JAKMIP3: variants seen among roughly 807,000 people sequenced by gnomAD.
The protein encoded by JAKMIP3 is Janus kinase and microtubule interacting protein 3, also known as janus kinase and microtubule-interacting protein 3.
In JAKMIP3, 58 loss-of-function variants were observed where a neutral mutation model predicts 118.5. The observed-to-expected ratio is 0.49, with a 90% confidence interval of 0.40 to 0.61. JAKMIP3 has a LOEUF of 0.61. JAKMIP3 is among the 20% of genes least tolerant of loss of function. The probability of loss-of-function intolerance (pLI) is 0.00; values close to 1 mark genes in which losing one functional copy is unlikely to be tolerated. For missense variants in JAKMIP3, 950 were observed against 1,109.0 expected (o/e 0.86, Z 2.04); for synonymous variants, 486 against 451.2 (o/e 1.08, Z -0.98).
At chr10:132,127,992 C>A (rs1009195224) in intron 3 of JAKMIP3, among the ~76,000 whole-genome samples, 1 of 152,134 alleles carries the variant, frequency 6.6e-6, no homozygotes, top group Non-Finnish European at 1.5e-5. Flanking sequence ...TTTTGCTGTT[C>A]CCATAAGCAG....
chr10:132,139,484 G>A (rs2052969859), intron 9 of JAKMIP3, among the ~76,000 whole-genome samples: 1 of 142,970 alleles, frequency 7.0e-6, no homozygotes, highest in Admixed American at 7.0e-5. Flanking sequence ...GTGAGTGTGT[G>A]TGAGAGTATG....
At chr10:132,078,052 TC>T in intron 1 of JAKMIP3, among the ~76,000 whole-genome samples, 1 of 152,374 alleles carries the variant, frequency 6.6e-6, no homozygotes, top group East Asian at 1.9e-4. Flanking sequence ...GCTCAGGTGA[TC>T]CGCACGTCTT....
Position 132,142,033 on chromosome 10 carries a change from A to C in JAKMIP3, c.1587A>C (p.Ala529=). The stretch of plus-strand genomic sequence containing the variant: ...AGCAGGTTGGAGGGACGCTGGACGC[A>C]GAGCGAGAAGTTAAGGTCTACGTGA... ...LQEQVGGTLD[A]EREVKTREQL... Residue 529 remains alanine, a synonymous_variant, in exon 11 of 24, where the codon GCA becomes GCC. Coordinates refer to ENST00000684848, the MANE Select transcript of JAKMIP3 (RefSeq NM_001323087.2). 6.2e-7 allele frequency: 1 copy of C among 1,607,022 alleles called. No individual in the cohort carries two copies. The highest frequency in any genetic ancestry group is 8.5e-7 in the Non-Finnish European group (1 of 1,177,478).
rs1245840093 is a variant in JAKMIP3 at position 132,049,076 on chromosome 10, A to G, written c.-138+12338A>G. On this transcript the variant is annotated intron_variant, in intron 1 of 23. Transcript: ENST00000657785. The surrounding 1 kb of genome is among the most constrained non-coding windows in gnomAD (Gnocchi z 4.3). ...CCTGCTGCTGGTCCCGGCCGACTCC[A>G]TCAAGTTAATTGACCTTTTTGCCTG... Among the ~76,000 whole-genome samples, 2 of 151,850 alleles carry G rather than the reference A, an allele frequency of 1.3e-5. No individual in the cohort carries two copies. Among genetic ancestry groups the G allele is most frequent in the African/African-American group, 4.8e-5 (2 of 41,268 alleles).
In JAKMIP3 at chr10:132,140,539, C is replaced by T. The variant is rs372190425; in HGVS notation, c.1433C>T (p.Thr478Met). ...GSSVSYQTDR[T>M]DQTPCTPDDD... ...TCCGTCTCTTACCAAACAGACAGGA[C>T]GGACCAGACCCCGTGCACCCCGGAC... Residue 478 changes from threonine to methionine, a missense_variant, in exon 10 of 24, where the codon ACG becomes ATG. Physicochemically the swap from Thr to Met is moderately conservative, Grantham distance 81. Coordinates refer to ENST00000684848, the MANE Select transcript of JAKMIP3 (RefSeq NM_001323087.2). 7.4e-6 allele frequency: 12 copies of T among 1,612,732 alleles called. No individual in the cohort carries two copies. The highest frequency in any genetic ancestry group is 2.7e-5 in the African/African-American group (2 of 74,692).
intron 2 of JAKMIP3, among the ~76,000 whole-genome samples, chr10:132,108,031 T>A (rs2046187937): frequency 6.6e-6 from 1 of 152,200 alleles, no homozygotes; most frequent in Admixed American, 6.5e-5. Context: ...ACTGCTGGCT[T>A]ACACTGGTGG....
chr10:132,114,591 T>C (rs1331247769), intron 2 of JAKMIP3, among the ~76,000 whole-genome samples: 1 of 152,226 alleles, frequency 6.6e-6, no homozygotes, highest in Non-Finnish European at 1.5e-5. Context: ...TCTTGGTTCT[T>C]TGCATTTCCA....
chr10:132,077,241 A>G (rs933161856), intron 1 of JAKMIP3, among the ~76,000 whole-genome samples: 5 of 152,090 alleles, frequency 3.3e-5, no homozygotes, highest in Admixed American at 6.5e-5. Context: ...TGACCTGGGG[A>G]GAGGGTTTGC....
intron 2 of JAKMIP3, among the ~76,000 whole-genome samples, 170 bp from the exon 3 acceptor site, chr10:132,116,907 T>TC (rs1486447451): frequency 8.4e-5 from 10 of 118,574 alleles, no homozygotes; most frequent in East Asian, 2.5e-4. Context: ...ACGTGGAAGC[T>TC]CCCCCAAATG....
chr10:132,127,793 T>C (rs1677216263), intron 3 of JAKMIP3, among the ~76,000 whole-genome samples: 1 of 152,226 alleles, frequency 6.6e-6, no homozygotes, highest in African/African-American at 2.4e-5. Context: ...TTTAGTGTTA[T>C]TCCATTAGTA....
intron 23 of JAKMIP3, among the ~76,000 whole-genome samples, chr10:132,180,682 CGTGTGTGTGCGTGCGTGTGT>C (rs2061051161): frequency 1.8e-4 from 1 of 5,492 alleles, no homozygotes; most frequent in Non-Finnish European, 3.9e-4. Flanking sequence ...TGTGCGCGCG[CGTGTGTGTGCGTGCGTGTGT>C]GTGTGCGCGT....
intron 1 of JAKMIP3, among the ~76,000 whole-genome samples, 167 bp downstream of exon 1, chr10:132,066,228 C>T (rs1366507355): frequency 6.6e-6 from 1 of 152,214 alleles, no homozygotes; most frequent in African/African-American, 2.4e-5. Flanking sequence ...GGGACGATCA[C>T]AGAGGAAGAT....
intron 19 of JAKMIP3, among the ~76,000 whole-genome samples, chr10:132,155,327 C>T (rs1328378272): frequency 2.6e-5 from 4 of 152,196 alleles, no homozygotes; most frequent in Non-Finnish European, 5.9e-5. Context: ...GCCAGCCAGG[C>T]ACAGAAGCTG....
rs111634824 is a variant in JAKMIP3, at chr10:132,067,597, C to T, written c.-138+1536C>T. 4.2e-5 allele frequency among the ~76,000 whole-genome samples: 6 copies of T among 144,218 alleles called. No homozygotes were observed. In the East Asian group the frequency reaches 6.3e-4, roughly 15 times the overall value. The allele number at this position is 144,218 out of a possible 152,430, so 94.6% of individuals were successfully genotyped here. On this transcript the variant is annotated intron_variant, in intron 1 of 23. Transcript: ENST00000684848. ...AAGGTTGATCTTGACTGTGGACTTC[C>T]GTGTGGACTGTGGGCTTCCGTGTGT...
intron 10 of JAKMIP3, among the ~76,000 whole-genome samples, chr10:132,140,820 G>A (rs1048917454): frequency 3.3e-5 from 5 of 152,170 alleles, no homozygotes; most frequent in African/African-American, 9.7e-5. Flanking sequence ...GCTGAGGCCC[G>A]CTCTTGCTCC....
intron 1 of JAKMIP3, among the ~76,000 whole-genome samples, chr10:132,079,891 C>T (rs1449888105): frequency 4.6e-5 from 7 of 152,264 alleles, no homozygotes; most frequent in African/African-American, 1.4e-4. Context: ...GTGTAGACCA[C>T]ATCTTGCTTA....
At chr10:132,089,222 T>G (rs1356993413) in intron 1 of JAKMIP3, among the ~76,000 whole-genome samples, 1 of 152,192 alleles carries the variant, frequency 6.6e-6, no homozygotes, top group Non-Finnish European at 1.5e-5. Context: ...AACTCTAAAG[T>G]AGTTTTTTCC....
intron 19 of JAKMIP3, among the ~76,000 whole-genome samples, chr10:132,162,054 C>T (rs114534695): frequency 0.022 from 2,875 of 130,960 alleles, 174 homozygotes; most frequent in African/African-American, 0.068. Context: ...GTGTGGCTCT[C>T]GGTCGCTCGG....
In JAKMIP3 at chr10:132,112,802, C is replaced by T. The variant is rs555657822; in HGVS notation, c.136-4275C>T. Among the ~76,000 whole-genome samples, 10 of 152,284 alleles carry T rather than the reference C, an allele frequency of 6.6e-5. No individual in the cohort carries two copies. The Middle Eastern group carries it at 0.01, about 155-fold the overall frequency. On this transcript the variant is annotated intron_variant, in intron 2 of 23. Coordinates refer to ENST00000684848, the MANE Select transcript of JAKMIP3 (RefSeq NM_001323087.2). This position sits in a 1 kb window ranked among gnomAD's most constrained non-coding sequence, Gnocchi z 4.3. ...CTTGGACACCGGCTCACATGGTGGACGCATCTGACTCTCCAGCCGCCGCTT... is the reference window on the plus strand; with the variant it reads ...CTTGGACACCGGCTCACATGGTGGATGCATCTGACTCTCCAGCCGCCGCTT...
Sources: gnomAD v4.1 joint callset for allele counts (sites outside exome capture counted in the v4.1 genomes callset) on GRCh38, gnomAD v4.1.1 for gene constraint, Gnocchi (gnomAD v3.1) non-coding constraint, MANE v1.5 for transcripts, NCBI Gene and HGNC (gene_info 2026-07-23, HGNC 2026-07-21) for gene names.